The following TRAPPC5 variants were observed in gnomAD, a reference collection of about 807,000 sequenced individuals.
The protein encoded by TRAPPC5 is trafficking protein particle complex 5.
A neutral mutation model predicts 9.8 loss-of-function variants in TRAPPC5; 5 were observed. That is an observed-to-expected ratio of 0.51 (90% confidence interval 0.27 to 1.07). The LOEUF is 1.07. TRAPPC5 is among the 50% of genes least tolerant of loss of function. TRAPPC5 has a pLI of 0.12. For missense variants in TRAPPC5, 243 were observed against 291.5 expected, an observed-to-expected ratio of 0.83 and a Z score of 1.21; for synonymous variants, 146 against 140.7, an observed-to-expected ratio of 1.04 and a Z score of -0.26.
Position 7,682,286 on chromosome 19 carries a change from G to A in TRAPPC5, c.33G>A (p.Ala11=), listed in dbSNP as rs756974795. MEARFTRGKS[A]LLERALARPR... The stretch of plus-strand genomic sequence containing the variant: ...CGCGCTTCACGCGCGGGAAGTCGGC[G>A]CTGCTGGAGCGCGCGCTGGCGCGGC... The change falls in exon 2 of 2, where the codon GCG becomes GCA. Residue 11 remains alanine (A), a synonymous_variant. Transcript: ENST00000596148. This position sits in a 1 kb window ranked among gnomAD's most constrained non-coding sequence, Gnocchi z 8.6. 8 of 1,430,800 alleles carry A rather than the reference G, an allele frequency of 5.6e-6. No individual in the cohort carries two copies. In the South Asian group the frequency reaches 6.0e-5, roughly 11 times the overall value. The allele number at this position is 1,430,800 out of a possible 1,614,324, so 88.6% of individuals were successfully genotyped here.
In TRAPPC5 at chr19:7,682,659, AC is replaced by A. The variant is rs2032663732; in HGVS notation, c.407del (p.Thr136SerfsTer36). The A allele has an allele frequency of 6.2e-7, 1 of 1,613,806 alleles. No homozygotes were observed. Among genetic ancestry groups the A allele is most frequent in the African/African-American group, 1.3e-5 (1 of 74,914 alleles). On this transcript the variant is annotated frameshift_variant, in exon 2 of 2. Transcript: ENST00000596148. LOFTEE classifies it high-confidence loss of function. The surrounding 1 kb of genome is among the most constrained non-coding windows in gnomAD (Gnocchi z 8.6). ...TYISVPKENS[T>X]LNCASFTAGI... ...CATCTCCGTGCCCAAGGAGAACAGCACGCTCAACTGCGCCAGCTTCACGGCG... is the reference window on the plus strand; with the variant it reads ...CATCTCCGTGCCCAAGGAGAACAGCAGCTCAACTGCGCCAGCTTCACGGCG...
At position 7,681,405 on chromosome 19, in the gene TRAPPC5, G is replaced by A. The variant is rs2032633698; in HGVS notation, c.-13+527G>A. Among the ~76,000 whole-genome samples the A allele has an allele frequency of 1.3e-5, 2 of 151,886 alleles. No homozygotes were observed. The highest frequency in any genetic ancestry group is 4.8e-5 in the African/African-American group (2 of 41,360). ...TACCCCATCTCCCTCTCCCCGCACC[G>A]ACAGCTGATGGGAGGACCACAGTTG... is the stretch of plus-strand genomic sequence containing the variant. On this transcript the variant is annotated intron_variant, in intron 1 of 1. Coordinates refer to ENST00000596148, the MANE Select transcript of TRAPPC5 (RefSeq NM_001042462.2). The surrounding 1 kb of genome is among the most constrained non-coding windows in gnomAD (Gnocchi z 8.7).
rs1328744247 is a variant in TRAPPC5 at position 7,687,526 on chromosome 19, TGTACTAAGCCCTGCTCTGG to T, written c.*4712_*4730del. ...GCCAGCACTTACTGAGTGCCTTCTG[TGTACTAAGCCCTGCTCTGG>T]GTACTTCCATGAGTCAACTCACGCC... On this transcript the variant is annotated 3_prime_UTR_variant, in exon 2 of 2. Transcript: ENST00000596148. 1 of 152,470 alleles carries T rather than the reference TGTACTAAGCCCTGCTCTGG, an allele frequency of 6.6e-6. No individual in the cohort carries two copies. Among genetic ancestry groups the T allele is most frequent in the Non-Finnish European group, 1.5e-5 (1 of 68,268 alleles). The allele number at this position is 152,470 out of a possible 1,614,324, so 9.4% of individuals were successfully genotyped here.
chr19:7,686,344 G>A lies in TRAPPC5; in HGVS notation c.*3524G>A, dbSNP rs2032717046. ...CTGATCACAGCAGCTCTAACTTACG[G>A]TGCTCTGGGCTGCAAGGAAGGTCTT... On this transcript the variant is annotated 3_prime_UTR_variant, in exon 2 of 2. Transcript: ENST00000596148. 6.6e-6 allele frequency: 1 copy of A among 152,282 alleles called. No homozygotes were observed. The highest frequency in any genetic ancestry group is 1.5e-5 in the Non-Finnish European group (1 of 68,144). The allele number at this position is 152,282 out of a possible 1,614,324, so 9.4% of individuals were successfully genotyped here. A position where few individuals can be genotyped will look rare whatever the true frequency, so the allele number is the denominator to read the frequency against.
At position 7,681,656 on chromosome 19, in the gene TRAPPC5, G is replaced by A. The variant is rs2032638361; in HGVS notation, c.-12-586G>A. Reference sequence around the variant, plus strand: ...CCTGTTAAAGCCCCCAACCCTCCTGGCTTTTGGTCTTGACACGCTCCTACC... The same window carrying A: ...CCTGTTAAAGCCCCCAACCCTCCTGACTTTTGGTCTTGACACGCTCCTACC... On this transcript the variant is annotated intron_variant, in intron 1 of 1. Coordinates refer to ENST00000596148, the MANE Select transcript of TRAPPC5 (RefSeq NM_001042462.2). This position sits in a 1 kb window ranked among gnomAD's most constrained non-coding sequence, Gnocchi z 8.7. Among the ~76,000 whole-genome samples, 1 of 151,812 alleles carries A rather than the reference G, an allele frequency of 6.6e-6. No homozygotes were observed. Among genetic ancestry groups the A allele is most frequent in the South Asian group, 2.1e-4 (1 of 4,826 alleles).
In TRAPPC5 at chr19:7,682,760, G is replaced by C. The variant is rs749805705; in HGVS notation, c.507G>C (p.Thr169=). The change falls in exon 2 of 2, where the codon ACG becomes ACC. Residue 169 remains threonine (T), a synonymous_variant. Coordinates refer to ENST00000596148, the MANE Select transcript of TRAPPC5 (RefSeq NM_001042462.2). This position sits in a 1 kb window ranked among gnomAD's most constrained non-coding sequence, Gnocchi z 8.6. The stretch of plus-strand genomic sequence containing the variant: ...CGGCGCACTGGCACAAGGGCACCAC[G>C]CTCATGATCAAGTTCGAGGAGGCAG... ...KVTAHWHKGT[T]LMIKFEEAVI... The C allele has an allele frequency of 3.1e-6, 5 of 1,611,640 alleles. No homozygotes were observed. In the South Asian group the frequency reaches 5.5e-5, roughly 18 times the overall value.
chr19:7,687,040 G>A lies in TRAPPC5; in HGVS notation c.*4220G>A, dbSNP rs1004488045. 2 of 152,040 alleles carry A rather than the reference G, an allele frequency of 1.3e-5. No homozygotes were observed. The highest frequency in any genetic ancestry group is 3.9e-4 in the East Asian group (2 of 5,138). The allele number at this position is 152,040 out of a possible 1,614,324, so 9.4% of individuals were successfully genotyped here. A position where few individuals can be genotyped will look rare whatever the true frequency, so the allele number is the denominator to read the frequency against. ...AGTCCTCCCACCTCAGCCTCCCAAA[G>A]CGCTGGGATGACAGGCATGAGCCAC... On this transcript the variant is annotated 3_prime_UTR_variant, in exon 2 of 2. Coordinates refer to ENST00000596148, the MANE Select transcript of TRAPPC5 (RefSeq NM_001042462.2).
Position 7,682,505 on chromosome 19 carries a change from C to T in TRAPPC5, c.252C>T (p.Gly84=), listed in dbSNP as rs373311467. Residue 84 remains glycine, a synonymous_variant, in exon 2 of 2, where the codon GGC becomes GGT. Coordinates refer to ENST00000596148, the MANE Select transcript of TRAPPC5 (RefSeq NM_001042462.2). This position sits in a 1 kb window ranked among gnomAD's most constrained non-coding sequence, Gnocchi z 8.6. The part of the protein sequence containing the change: ...KGARRETKVL[G]ALLFVKGAVW... ...CCCGGCGTGAGACCAAGGTGCTAGGCGCGTTGCTCTTCGTCAAGGGCGCCG... is the reference window on the plus strand; with the variant it reads ...CCCGGCGTGAGACCAAGGTGCTAGGTGCGTTGCTCTTCGTCAAGGGCGCCG... 5 of 1,613,046 alleles carry T rather than the reference C, an allele frequency of 3.1e-6. No individual in the cohort carries two copies. The highest frequency in any genetic ancestry group is 2.2e-5 in the East Asian group (1 of 44,858).
Position 7,682,598 on chromosome 19 carries a change from C to A in TRAPPC5, c.345C>A (p.Phe115Leu). The change falls in exon 2 of 2, where the codon TTC (phenylalanine) becomes TTA (leucine). Residue 115 changes from phenylalanine to leucine, a missense_variant. By Grantham distance (22) the Phe-to-Leu change is conservative (BLOSUM62 0). Around this residue, in one of 2 missense-constraint regions of TRAPPC5, gnomAD observed 154 missense variants for 215.8 expected, o/e 0.71. Transcript: ENST00000596148. This position sits in a 1 kb window ranked among gnomAD's most constrained non-coding sequence, Gnocchi z 8.6. ...AGGCCAACGATGACGCGCGCACCTT[C>A]TACATCATCGAGCGCGAGCCGCTCA... ...LEQANDDART[F>L]YIIEREPLIN... The A allele has an allele frequency of 6.2e-7, 1 of 1,612,834 alleles. No homozygotes were observed. The highest frequency in any genetic ancestry group is 8.5e-7 in the Non-Finnish European group (1 of 1,179,992).
Position 7,682,544 on chromosome 19 carries a change from C to T in TRAPPC5, c.291C>T (p.Leu97=), listed in dbSNP as rs1335594206. Residue 97 remains leucine (L), a synonymous_variant, in exon 2 of 2, where the codon CTC becomes CTT. Coordinates refer to ENST00000596148, the MANE Select transcript of TRAPPC5 (RefSeq NM_001042462.2). This position sits in a 1 kb window ranked among gnomAD's most constrained non-coding sequence, Gnocchi z 8.6. ...LFVKGAVWKA[L]FGKEADKLEQ... is the part of the protein sequence containing the mutation. ...TCAAGGGCGCCGTGTGGAAGGCGCT[C>T]TTCGGCAAGGAGGCGGACAAGCTGG... 3 of 1,613,010 alleles carry T rather than the reference C, an allele frequency of 1.9e-6. No individual in the cohort carries two copies. The South Asian group carries it at 3.3e-5, about 18-fold the overall frequency.
rs2032668793 is a variant in TRAPPC5 at position 7,682,876 on chromosome 19, G to C, written c.*56G>C. On this transcript the variant is annotated 3_prime_UTR_variant, in exon 2 of 2. Transcript: ENST00000596148. This position sits in a 1 kb window ranked among gnomAD's most constrained non-coding sequence, Gnocchi z 8.6. ...CCTCCCCACGTGTGTCTTGTGTCTTGTGTGGCGGCCTTAGATCCACTCAGT... is the reference window on the plus strand; with the variant it reads ...CCTCCCCACGTGTGTCTTGTGTCTTCTGTGGCGGCCTTAGATCCACTCAGT... 6.0e-6 allele frequency: 9 copies of C among 1,494,968 alleles called. 1 individual carries two copies. The South Asian group carries it at 1.2e-4, about 20-fold the overall frequency. 92.6% of individuals were successfully genotyped at this position (1,494,968 alleles called of 1,614,324 possible).
At position 7,683,787 on chromosome 19, in the gene TRAPPC5, A is replaced by C. The variant is rs1275029231; in HGVS notation, c.*967A>C. 1 of 151,950 alleles carries C rather than the reference A, an allele frequency of 6.6e-6. No individual in the cohort carries two copies. The highest frequency in any genetic ancestry group is 1.9e-4 in the East Asian group (1 of 5,146). 9.4% of individuals were successfully genotyped at this position (151,950 alleles called of 1,614,324 possible). A position where few individuals can be genotyped will look rare whatever the true frequency, so the allele number is the denominator to read the frequency against. ...CCCAGCCTCCCGAGTAGCTGGAACT[A>C]CAGGTGCCCACCACCACACCTGGCT... On this transcript the variant is annotated 3_prime_UTR_variant, in exon 2 of 2. Coordinates refer to ENST00000596148, the MANE Select transcript of TRAPPC5 (RefSeq NM_001042462.2).
At position 7,686,340 on chromosome 19, in the gene TRAPPC5, T is replaced by C. The variant is rs927231082; in HGVS notation, c.*3520T>C. On this transcript the variant is annotated 3_prime_UTR_variant, in exon 2 of 2. Coordinates refer to ENST00000596148, the MANE Select transcript of TRAPPC5 (RefSeq NM_001042462.2). The stretch of plus-strand genomic sequence containing the variant: ...GCTTCTGATCACAGCAGCTCTAACT[T>C]ACGGTGCTCTGGGCTGCAAGGAAGG... 6.6e-6 allele frequency: 1 copy of C among 152,206 alleles called. No homozygotes were observed. Among genetic ancestry groups the C allele is most frequent in the African/African-American group, 2.4e-5 (1 of 41,366 alleles). The allele number at this position is 152,206 out of a possible 1,614,324, so 9.4% of individuals were successfully genotyped here.
chr19:7,682,517 C>T lies in TRAPPC5; in HGVS notation c.264C>T (p.Phe88=), dbSNP rs1189705741. Residue 88 remains phenylalanine (F), a synonymous_variant, in exon 2 of 2, where the codon TTC becomes TTT. Transcript: ENST00000596148. The surrounding 1 kb of genome is among the most constrained non-coding windows in gnomAD (Gnocchi z 8.6). ...CCAAGGTGCTAGGCGCGTTGCTCTT[C>T]GTCAAGGGCGCCGTGTGGAAGGCGC... The part of the protein sequence containing the change: ...RETKVLGALL[F]VKGAVWKALF... 11 of 1,613,088 alleles carry T rather than the reference C, an allele frequency of 6.8e-6. No homozygotes were observed. Among genetic ancestry groups the T allele is most frequent in the Admixed American group, 1.7e-5 (1 of 60,022 alleles).
rs1230965094 is a variant in TRAPPC5, at chr19:7,682,615, A to G, written c.362A>G (p.Glu121Gly). Residue 121 changes from glutamate (E) to glycine (G), a missense_variant, in exon 2 of 2, where the codon GAG becomes GGG. Physicochemically the swap from Glu to Gly is moderately conservative, Grantham distance 98. Coordinates refer to ENST00000596148, the MANE Select transcript of TRAPPC5 (RefSeq NM_001042462.2). This position sits in a 1 kb window ranked among gnomAD's most constrained non-coding sequence, Gnocchi z 8.6. ...CGCACCTTCTACATCATCGAGCGCG[A>G]GCCGCTCATCAACACCTACATCTCC... ...DARTFYIIER[E>G]PLINTYISVP... 1 of 1,613,324 alleles carries G rather than the reference A, an allele frequency of 6.2e-7. No individual in the cohort carries two copies. Among genetic ancestry groups the G allele is most frequent in the Non-Finnish European group, 8.5e-7 (1 of 1,180,006 alleles).
rs1599425029 is a variant in TRAPPC5 at position 7,681,988 on chromosome 19, A to C, written c.-12-254A>C. 6.6e-6 allele frequency among the ~76,000 whole-genome samples: 1 copy of C among 150,790 alleles called. No homozygotes were observed. Among genetic ancestry groups the C allele is most frequent in the East Asian group, 2.0e-4 (1 of 5,118 alleles). On this transcript the variant is annotated intron_variant, in intron 1 of 1. Transcript: ENST00000596148. This position sits in a 1 kb window ranked among gnomAD's most constrained non-coding sequence, Gnocchi z 8.7. The stretch of plus-strand genomic sequence containing the variant: ...TGTTCCCCCTCGTGTCTCTCCTCCC[A>C]CCTTGTCCCCACTCCCGCTAGCCCG...
At position 7,687,104 on chromosome 19, in the gene TRAPPC5, G is replaced by A. The variant is rs2032729337; in HGVS notation, c.*4284G>A. ...CTTTGGCCTTTTATCTGAGCTGGAG[G>A]AAACTTCTGGAAAGGGGGCAGTGAA... is the stretch of plus-strand genomic sequence containing the variant. On this transcript the variant is annotated 3_prime_UTR_variant, in exon 2 of 2. Transcript: ENST00000596148. The A allele has an allele frequency of 6.6e-6, 1 of 152,422 alleles. No homozygotes were observed. The highest frequency in any genetic ancestry group is 2.4e-5 in the African/African-American group (1 of 41,440). The allele number at this position is 152,422 out of a possible 1,614,324, so 9.4% of individuals were successfully genotyped here. A position where few individuals can be genotyped will look rare whatever the true frequency, so the allele number is the denominator to read the frequency against.
chr19:7,683,112 TG>T lies in TRAPPC5; in HGVS notation c.*296del. 4.3e-6 allele frequency: 2 copies of T among 467,546 alleles called. No homozygotes were observed. The highest frequency in any genetic ancestry group is 7.7e-6 in the Non-Finnish European group (2 of 259,026). The allele number at this position is 467,546 out of a possible 1,614,324, so 29.0% of individuals were successfully genotyped here. A position where few individuals can be genotyped will look rare whatever the true frequency, so the allele number is the denominator to read the frequency against. On this transcript the variant is annotated 3_prime_UTR_variant, in exon 2 of 2. Coordinates refer to ENST00000596148, the MANE Select transcript of TRAPPC5 (RefSeq NM_001042462.2). ...GGCTGTCTGCAGGCTGGAGGGGGCA[TG>T]GGGTCCTGGGAGACGCATCAGGCTG...
chr19:7,683,597 T>A lies in TRAPPC5; in HGVS notation c.*777T>A, dbSNP rs747890877. On this transcript the variant is annotated 3_prime_UTR_variant, in exon 2 of 2. Coordinates refer to ENST00000596148, the MANE Select transcript of TRAPPC5 (RefSeq NM_001042462.2). Reference sequence around the variant, plus strand: ...ACATGTAAAGGAGTGGGTGTCACCGTGTGCCTAGAAAACAGGCAGAGGGAG... The same window carrying A: ...ACATGTAAAGGAGTGGGTGTCACCGAGTGCCTAGAAAACAGGCAGAGGGAG... 3.9e-5 allele frequency: 6 copies of A among 152,180 alleles called. No homozygotes were observed. Among genetic ancestry groups the A allele is most frequent in the Non-Finnish European group, 5.9e-5 (4 of 68,056 alleles). 9.4% of individuals were successfully genotyped at this position (152,180 alleles called of 1,614,324 possible). A position where few individuals can be genotyped will look rare whatever the true frequency, so the allele number is the denominator to read the frequency against.
Sources: allele counts gnomAD v4.1 joint callset (sites outside exome capture counted in the v4.1 genomes callset), GRCh38; gene constraint gnomAD v4.1.1; regional missense constraint gnomAD v4.1.1; non-coding constraint Gnocchi (gnomAD v3.1); transcripts MANE v1.5; gene names NCBI Gene and HGNC (gene_info 2026-07-23, HGNC 2026-07-21).